The following PABPC4L variants were observed in gnomAD, a reference collection of about 807,000 sequenced individuals.
The protein encoded by PABPC4L is polyadenylate-binding protein 4-like.
For synonymous variants in PABPC4L, 169 were observed against 164.1 expected (o/e 1.03, Z -0.23); for missense variants, 452 against 451.4 (o/e 1.00, Z -0.01).
chr4:134,089,947 T>C, the PABPC4L span, among the ~76,000 whole-genome samples: 1 of 152,058 alleles, frequency 6.6e-6, no homozygotes, highest in Non-Finnish European at 1.5e-5. Context: ...ATTGTAGTCT[T>C]AGACTCATGA....
At chr4:134,100,101 T>C in the PABPC4L span, among the ~76,000 whole-genome samples, 1 of 151,706 alleles carries the variant, frequency 6.6e-6, no homozygotes, top group Non-Finnish European at 1.5e-5. Flanking sequence ...CCCATTCTTT[T>C]GTTGTCCTTC....
chr4:134,011,406 T>C, the PABPC4L span, among the ~76,000 whole-genome samples: 1 of 152,124 alleles, frequency 6.6e-6, no homozygotes, highest in Non-Finnish European at 1.5e-5. Context: ...ATTCCAGGAA[T>C]ATATTCTTGA....
the PABPC4L span, among the ~76,000 whole-genome samples, chr4:134,037,969 T>G: frequency 2.7e-4 from 41 of 152,312 alleles, no homozygotes; most frequent in African/African-American, 7.0e-4. Context: ...TTATCATAAA[T>G]AGCTCTTATT....
chr4:134,121,836 A>T, the PABPC4L span, among the ~76,000 whole-genome samples: 2 of 151,670 alleles, frequency 1.3e-5, no homozygotes, highest in African/African-American at 4.8e-5. Flanking sequence ...TTGTACTCCA[A>T]TATTTGTTTC....
chr4:133,990,824 T>TAA, the PABPC4L span, among the ~76,000 whole-genome samples: 1 of 152,184 alleles, frequency 6.6e-6, no homozygotes, highest in Non-Finnish European at 1.5e-5. Flanking sequence ...TAAGTTCCTT[T>TAA]ACATTCCCTT....
chr4:134,193,019 A>T (rs2126194483), downstream of PABPC4L, among the ~76,000 whole-genome samples: 1 of 152,180 alleles, frequency 6.6e-6, no homozygotes, highest in South Asian at 2.1e-4. Flanking sequence ...TACCTCTTTA[A>T]CATAAGTTCT....
At chr4:133,992,322 C>T in the PABPC4L span, among the ~76,000 whole-genome samples, 2 of 152,172 alleles carry the variant, frequency 1.3e-5, no homozygotes, top group Non-Finnish European at 2.9e-5. Flanking sequence ...CATCCTTTTG[C>T]ACAAGAAGGA....
At chr4:133,989,754 C>T in the PABPC4L span, among the ~76,000 whole-genome samples, 3 of 152,030 alleles carry the variant, frequency 2.0e-5, no homozygotes, top group East Asian at 5.8e-4. Context: ...ACTCATGATA[C>T]CAATTTTCTG....
the PABPC4L span, among the ~76,000 whole-genome samples, chr4:134,006,145 A>G: frequency 6.6e-6 from 1 of 151,920 alleles, no homozygotes; most frequent in African/African-American, 2.4e-5. Flanking sequence ...AGTGTTTTAC[A>G]GTTGAGAAAG....
At chr4:134,031,662 AC>A in the PABPC4L span, among the ~76,000 whole-genome samples, 2 of 151,922 alleles carry the variant, frequency 1.3e-5, no homozygotes, top group African/African-American at 4.8e-5. Flanking sequence ...AAACTTAGTC[AC>A]TTTGCAACTC....
the PABPC4L span, among the ~76,000 whole-genome samples, chr4:133,994,357 CCATT>C: frequency 6.6e-6 from 1 of 152,000 alleles, no homozygotes; most frequent in Non-Finnish European, 1.5e-5. Flanking sequence ...ATAACAGTGG[CCATT>C]ATTAGAAAGG....
the PABPC4L span, among the ~76,000 whole-genome samples, chr4:134,031,535 T>C: frequency 6.6e-6 from 1 of 152,006 alleles, no homozygotes; most frequent in African/African-American, 2.4e-5. Flanking sequence ...TTTTCTATGG[T>C]GTTCTTCTCT....
the PABPC4L span, among the ~76,000 whole-genome samples, chr4:134,086,078 T>A: frequency 6.6e-6 from 1 of 152,130 alleles, no homozygotes; most frequent in Non-Finnish European, 1.5e-5. Context: ...ATTATTGGTC[T>A]TTTTTACAGT....
At chr4:134,041,371 A>G in the PABPC4L span, among the ~76,000 whole-genome samples, 1 of 152,184 alleles carries the variant, frequency 6.6e-6, no homozygotes, top group East Asian at 1.9e-4. Flanking sequence ...TGGCACATAT[A>G]CACCATGGAA....
chr4:134,134,494 T>G, the PABPC4L span, among the ~76,000 whole-genome samples: 1 of 151,784 alleles, frequency 6.6e-6, no homozygotes, highest in African/African-American at 2.4e-5. Flanking sequence ...GCAAAGTAAT[T>G]TTTTTAAAGG....
At chr4:134,039,009 T>A in the PABPC4L span, among the ~76,000 whole-genome samples, 4 of 152,278 alleles carry the variant, frequency 2.6e-5, no homozygotes, top group East Asian at 7.7e-4. Flanking sequence ...TCCCAGAGAT[T>A]CTGGTATGTT....
chr4:134,025,674 A>T, the PABPC4L span, among the ~76,000 whole-genome samples: 2 of 152,142 alleles, frequency 1.3e-5, no homozygotes, highest in Non-Finnish European at 2.9e-5. Flanking sequence ...AAATGTTTTA[A>T]AACATTTTAT....
chr4:134,001,667 G>T, the PABPC4L span, among the ~76,000 whole-genome samples: 19 of 152,026 alleles, frequency 1.2e-4, no homozygotes, highest in East Asian at 3.9e-4. Flanking sequence ...GGACAAGATG[G>T]AATCTGTGGC....
the PABPC4L span, among the ~76,000 whole-genome samples, chr4:134,027,313 T>A: frequency 6.6e-6 from 1 of 152,076 alleles, no homozygotes; most frequent in East Asian, 1.9e-4. Context: ...AACCAGTCAC[T>A]GGGAGTGGTC....
Sources: gnomAD v4.1 joint callset for allele counts (sites outside exome capture counted in the v4.1 genomes callset) on GRCh38, gnomAD v4.1.1 for gene constraint, MANE v1.5 for transcripts, NCBI Gene and HGNC (gene_info 2026-07-23, HGNC 2026-07-21) for gene names.